ZPBP: variants seen among roughly 807,000 people sequenced by gnomAD.
ZPBP encodes the protein zona pellucida-binding protein 1.
In ZPBP, 26 loss-of-function variants were observed where a neutral mutation model predicts 44.8. That is an observed-to-expected ratio of 0.58 (90% CI 0.43 to 0.81). ZPBP has a LOEUF of 0.81. Ranked by LOEUF, ZPBP falls within the 30% of genes least tolerant of loss-of-function variation. The pLI is 0.00. For missense variants in ZPBP, 409 were observed against 434.0 expected (o/e 0.94, Z 0.51); for synonymous variants, 174 against 153.2 (o/e 1.14, Z -1.00).
chr7:49,871,087 C>A (rs1791130212), intron 2 of ZPBP, among the ~76,000 whole-genome samples: 1 of 151,956 alleles, frequency 6.6e-6, no homozygotes, highest in African/African-American at 2.4e-5. Context: ...GCTAATGGAG[C>A]CATCCAAGAA....
Position 49,937,526 on chromosome 7 carries a change from G to A in ZPBP, c.*2C>T, listed in dbSNP as rs1245174192. The A allele has an allele frequency of 1.2e-6, 2 of 1,608,924 alleles. No homozygotes were observed. Among genetic ancestry groups the A allele is most frequent in the East Asian group, 2.2e-5 (1 of 44,818 alleles). On this transcript the variant is annotated 3_prime_UTR_variant, in exon 8 of 8. Transcript: ENST00000046087. ...AACCACTGAATAACTGAAGATAATG[G>A]CTTATAAGCACGTTTTTGCTCCATA...
chr7:49,849,401 T>G (rs1420092794), downstream of ZPBP, among the ~76,000 whole-genome samples: 1 of 152,192 alleles, frequency 6.6e-6, no homozygotes, highest in African/African-American at 2.4e-5. Context: ...CTGCCACTGC[T>G]CCTGAGGGCT....
In ZPBP at chr7:50,029,829, G is replaced by T. The variant is rs971509022; in HGVS notation, c.706+1263C>A. ...AGTATACTTTCAGCTTTTGTTTTTT[G>T]TTGTTGTTGTTGTTGCTGTTGTTGT... On this transcript the variant is annotated intron_variant, in intron 5 of 7. Coordinates refer to ENST00000046087, the MANE Select transcript of ZPBP (RefSeq NM_007009.3). Among the ~76,000 whole-genome samples, 7 of 122,282 alleles carry T rather than the reference G, an allele frequency of 5.7e-5. No individual in the cohort carries two copies. The South Asian group carries it at 1.1e-3, about 19-fold the overall frequency. The allele number at this position is 122,282 out of a possible 152,430, so 80.2% of individuals were successfully genotyped here.
At chr7:49,979,855 T>TAAA (rs1232846983) in intron 7 of ZPBP, among the ~76,000 whole-genome samples, 35 of 5,478 alleles carry the variant, frequency 6.4e-3, no homozygotes, top group Admixed American at 0.017. Context: ...ATAAAATATA[T>TAAA]ATAATATAAT....
chr7:49,980,310 T>A (rs1346887708), intron 7 of ZPBP, among the ~76,000 whole-genome samples: 1 of 32,200 alleles, frequency 3.1e-5, no homozygotes, highest in African/African-American at 2.4e-4. Context: ...ATATATAATA[T>A]AAATATATAA....
chr7:49,858,131 T>A (rs1047662514), intron 2 of ZPBP, among the ~76,000 whole-genome samples: 1 of 152,230 alleles, frequency 6.6e-6, no homozygotes, highest in Non-Finnish European at 1.5e-5. Flanking sequence ...AAAGTGTTCC[T>A]ATTTCTCCAC....
chr7:50,070,437 C>T (rs570780537), intron 3 of ZPBP, among the ~76,000 whole-genome samples: 2 of 152,308 alleles, frequency 1.3e-5, no homozygotes, highest in East Asian at 3.9e-4. Flanking sequence ...AGGCAGGGTG[C>T]CGGGACGCAG....
chr7:49,903,002 T>TA (rs1792855765), intron 1 of ZPBP, among the ~76,000 whole-genome samples: 1 of 149,784 alleles, frequency 6.7e-6, no homozygotes, highest in African/African-American at 2.5e-5. Context: ...AAATGGCAAA[T>TA]AAACACATGA....
chr7:49,943,280 A>C (rs1794964655), intron 7 of ZPBP: 1 of 277,784 alleles, frequency 3.6e-6, no homozygotes, highest in South Asian at 3.7e-5. Context: ...CAGGGGTCTT[A>C]ATTTTTCCTA....
At chr7:49,925,596 A>C (rs1583853060) in intron 1 of ZPBP, among the ~76,000 whole-genome samples, 1 of 152,326 alleles carries the variant, frequency 6.6e-6, no homozygotes, top group East Asian at 1.9e-4. Flanking sequence ...GGTTGTTCAG[A>C]GCCTCTTTTA....
rs1187779063 is a variant in ZPBP, at chr7:50,032,856, T to C, written c.488-1546A>G. ...CGCAAATCCTAAAGTATCTTCAAGA[T>C]GATTCATGGAATAGACTTTAAATAC... On this transcript the variant is annotated intron_variant, in intron 4 of 7. Coordinates refer to ENST00000046087, the MANE Select transcript of ZPBP (RefSeq NM_007009.3). 2.0e-5 allele frequency among the ~76,000 whole-genome samples: 3 copies of C among 152,238 alleles called. No homozygotes were observed. The East Asian group carries it at 5.8e-4, about 29-fold the overall frequency.
intron 6 of ZPBP, among the ~76,000 whole-genome samples, chr7:49,993,362 AAGAAC>A (rs1323215290): frequency 2.6e-5 from 4 of 152,156 alleles, no homozygotes; most frequent in Non-Finnish European, 5.9e-5. Context: ...AAGGGCTACA[AAGAAC>A]AGATAGGAAA....
chr7:49,974,860 G>C (rs1012850139), intron 7 of ZPBP, among the ~76,000 whole-genome samples: 5 of 86 alleles, frequency 0.058, no homozygotes, highest in African/African-American at 0.18. Flanking sequence ...GGGTCAGGGA[G>C]CAGTTCTCAG....
intron 6 of ZPBP, among the ~76,000 whole-genome samples, chr7:49,991,710 G>C (rs2128788510): frequency 1.3e-5 from 2 of 152,042 alleles, no homozygotes; most frequent in Admixed American, 1.3e-4. Flanking sequence ...TTTTTAAGTA[G>C]TATATTTCTC....
chr7:49,876,917 T>G (rs1352575454), intron 2 of ZPBP, among the ~76,000 whole-genome samples: 1 of 152,060 alleles, frequency 6.6e-6, no homozygotes, highest in East Asian at 1.9e-4. Context: ...ATCCTTTTGA[T>G]GCACTCCTGT....
intron 7 of ZPBP, among the ~76,000 whole-genome samples, chr7:49,971,142 G>T (rs1583942706): frequency 6.6e-6 from 1 of 152,092 alleles, no homozygotes; most frequent in Non-Finnish European, 1.5e-5. Flanking sequence ...TCCAGCAAAA[G>T]CAGTGGTAAG....
intron 2 of ZPBP, among the ~76,000 whole-genome samples, chr7:49,870,062 C>G (rs954983390): frequency 1.3e-5 from 2 of 152,118 alleles, no homozygotes; most frequent in Non-Finnish European, 2.9e-5. Flanking sequence ...TGGTAGAAGA[C>G]AGAAGTGTAG....
At chr7:50,047,749 C>T (rs1276860420) in intron 4 of ZPBP, among the ~76,000 whole-genome samples, 1 of 151,512 alleles carries the variant, frequency 6.6e-6, no homozygotes, top group Non-Finnish European at 1.5e-5. Context: ...AGAAAATGAT[C>T]GAAGTTCCTG....
intron 6 of ZPBP, among the ~76,000 whole-genome samples, chr7:50,011,879 G>T (rs150487199): frequency 1.3e-5 from 2 of 151,860 alleles, no homozygotes; most frequent in South Asian, 4.2e-4. Context: ...GTAAAACCCC[G>T]TCTCTACTAA....
Sources: allele counts gnomAD v4.1 joint callset (sites outside exome capture counted in the v4.1 genomes callset), GRCh38; gene constraint gnomAD v4.1.1; transcripts MANE v1.5; gene names NCBI Gene and HGNC (gene_info 2026-07-23, HGNC 2026-07-21).